GALNTL6: variants seen among roughly 807,000 people sequenced by gnomAD.
The protein encoded by GALNTL6 is polypeptide N-acetylgalactosaminyltransferase-like 6.
GALNTL6 carries 46 observed loss-of-function variants against 73.7 expected under a neutral mutation model. The observed-to-expected ratio is 0.62, with a 90% confidence interval of 0.49 to 0.80. The LOEUF (loss-of-function observed/expected upper bound fraction) is 0.80. GALNTL6 is among the 30% of genes least tolerant of loss of function. The pLI is 0.00. For missense variants in GALNTL6, 604 were observed against 755.0 expected (o/e 0.80, Z 2.34); for synonymous variants, 259 against 263.7 (o/e 0.98, Z 0.17).
chr4:172,035,272 C>G (rs955316911), intron 2 of GALNTL6, among the ~76,000 whole-genome samples: 2 of 151,914 alleles, frequency 1.3e-5, no homozygotes, highest in African/African-American at 4.8e-5. Context: ...TATCACTAAG[C>G]ATGAAGAAAA....
intron 7 of GALNTL6, among the ~76,000 whole-genome samples, chr4:172,835,383 G>A (rs1014818680): frequency 2.0e-5 from 3 of 152,212 alleles, no homozygotes; most frequent in Non-Finnish European, 4.4e-5. Context: ...GCTATTCCAG[G>A]TATAGACAAT....
At chr4:172,158,117 G>A (rs1051538033) in intron 2 of GALNTL6, among the ~76,000 whole-genome samples, 6 of 152,110 alleles carry the variant, frequency 3.9e-5, no homozygotes, top group Non-Finnish European at 7.4e-5. Flanking sequence ...TTCACCTCAG[G>A]TGCATGGTTC....
intron 5 of GALNTL6, among the ~76,000 whole-genome samples, chr4:172,385,303 GCTGT>G (rs1433868928): frequency 1.3e-5 from 2 of 151,904 alleles, no homozygotes; most frequent in East Asian, 3.9e-4. Flanking sequence ...GGTTTCTAGT[GCTGT>G]TTAAGTCTTC....
chr4:172,657,625 G>A (rs1731105648), intron 5 of GALNTL6, among the ~76,000 whole-genome samples: 1 of 152,164 alleles, frequency 6.6e-6, no homozygotes, highest in Admixed American at 6.5e-5. Flanking sequence ...AGGCCATTTG[G>A]TATATGAAGG....
chr4:172,839,511 T>C (rs1743092640), intron 7 of GALNTL6, among the ~76,000 whole-genome samples: 1 of 152,144 alleles, frequency 6.6e-6, no homozygotes, highest in South Asian at 2.1e-4. Flanking sequence ...GTGAAGATAG[T>C]GAAAAGTGAG....
rs1738373181 is a variant in GALNTL6, at chr4:171,937,099, T to G, written c.138+122381T>G. ...CAGATACTGCTGGGTGGATGAATTC[T>G]CCTTCTCTATTATCTGTACTTCAGA... On this transcript the variant is annotated intron_variant, in intron 2 of 12. Coordinates refer to ENST00000506823, the MANE Select transcript of GALNTL6 (RefSeq NM_001034845.3). Among the ~76,000 whole-genome samples, 3 of 152,146 alleles carry G rather than the reference T, an allele frequency of 2.0e-5. 1 individual carries two copies. Among genetic ancestry groups the G allele is most frequent in the Non-Finnish European group, 4.4e-5 (3 of 68,010 alleles).
At chr4:172,216,856 A>G (rs1431905591) in intron 2 of GALNTL6, among the ~76,000 whole-genome samples, 1 of 152,154 alleles carries the variant, frequency 6.6e-6, no homozygotes, top group Admixed American at 6.6e-5. Context: ...ACATCAATCA[A>G]GGACATTTAA....
At chr4:171,988,184 C>A in intron 2 of GALNTL6, among the ~76,000 whole-genome samples, 1 of 152,180 alleles carries the variant, frequency 6.6e-6, no homozygotes, top group Non-Finnish European at 1.5e-5. Flanking sequence ...CTACAGGGTG[C>A]AGTCCTGGCT....
intron 12 of GALNTL6, among the ~76,000 whole-genome samples, chr4:173,032,133 GT>G (rs1317258056): frequency 5.3e-5 from 8 of 152,350 alleles, no homozygotes; most frequent in Admixed American, 1.3e-4. Flanking sequence ...TGGTGCAAAA[GT>G]CATTGCAGTT....
chr4:171,952,797 C>T (rs960455417), intron 2 of GALNTL6, among the ~76,000 whole-genome samples: 2 of 151,876 alleles, frequency 1.3e-5, no homozygotes, highest in South Asian at 4.1e-4. Flanking sequence ...ACTATAATCA[C>T]TTTTTTCAAA....
intron 3 of GALNTL6, among the ~76,000 whole-genome samples, chr4:172,310,773 A>G (rs2626608): frequency 0.55 from 82,738 of 151,670 alleles, 23,466 homozygotes; most frequent in African/African-American, 0.71. Flanking sequence ...CTTCTTTGTA[A>G]ATATATAAAA....
intron 2 of GALNTL6, among the ~76,000 whole-genome samples, chr4:172,122,821 G>A (rs1471094477): frequency 2.0e-5 from 3 of 152,104 alleles, no homozygotes; most frequent in African/African-American, 7.2e-5. Context: ...CTTTCCTGGG[G>A]GGAACCCTTA....
rs149139766 is a variant in GALNTL6, at chr4:172,030,088, A to G, written c.139-199568A>G. 2.0e-3 allele frequency among the ~76,000 whole-genome samples: 305 copies of G among 152,248 alleles called. 6 individuals are homozygous for G. Among genetic ancestry groups the G allele is most frequent in the Admixed American group, 0.015 (231 of 15,274 alleles). ...CTCAAAATAAAACTCTTACAGATAA[A>G]ACTTTCCAAGGTCACTAAGCAAATA... On this transcript the variant is annotated intron_variant, in intron 2 of 12. Transcript: ENST00000506823.
At chr4:171,971,323 T>C (rs1010578882) in intron 2 of GALNTL6, among the ~76,000 whole-genome samples, 12 of 152,328 alleles carry the variant, frequency 7.9e-5, no homozygotes, top group African/African-American at 2.9e-4. Context: ...CAGTGTTGAC[T>C]TGACTTCGCT....
chr4:172,370,630 C>CAGAAA, intron 5 of GALNTL6, among the ~76,000 whole-genome samples: 1 of 59,830 alleles, frequency 1.7e-5, no homozygotes, highest in East Asian at 5.0e-4. Context: ...GACTCCATCT[C>CAGAAA]AAAAAAAAAA....
chr4:172,859,028 G>A (rs1405524044), intron 7 of GALNTL6, among the ~76,000 whole-genome samples: 2 of 142,794 alleles, frequency 1.4e-5, no homozygotes, highest in African/African-American at 5.1e-5. Context: ...GGAATGAAAT[G>A]CAAGCTGGAG....
intron 2 of GALNTL6, among the ~76,000 whole-genome samples, chr4:172,198,163 C>G (rs1234155403): frequency 1.3e-5 from 2 of 151,832 alleles, no homozygotes; most frequent in Non-Finnish European, 2.9e-5. Context: ...AAAATTTAGG[C>G]AACGCCATTC....
chr4:172,828,723 G>C (rs753731669), intron 7 of GALNTL6, among the ~76,000 whole-genome samples: 9 of 152,164 alleles, frequency 5.9e-5, no homozygotes, highest in Admixed American at 1.3e-4. Flanking sequence ...ATAACTAAAA[G>C]AAAAGATTCA....
chr4:172,128,540 T>C (rs1172228712), intron 2 of GALNTL6, among the ~76,000 whole-genome samples: 2 of 152,218 alleles, frequency 1.3e-5, no homozygotes, highest in Non-Finnish European at 2.9e-5. Flanking sequence ...GGCTAAAATT[T>C]TGCCCTGATA....
Sources: gnomAD v4.1 joint callset for allele counts (sites outside exome capture counted in the v4.1 genomes callset) on GRCh38, gnomAD v4.1.1 for gene constraint, MANE v1.5 for transcripts, NCBI Gene and HGNC (gene_info 2026-07-23, HGNC 2026-07-21) for gene names.